ZCCHC2: variants seen among roughly 807,000 people sequenced by gnomAD.
The protein encoded by ZCCHC2 is zinc finger CCHC-type containing 2.
A neutral mutation model predicts 103.6 loss-of-function variants in ZCCHC2; 39 were observed. The ratio of observed to expected loss-of-function variants is 0.38; its 90% CI spans 0.29 to 0.49. The LOEUF is 0.49. ZCCHC2 is among the 20% of genes least tolerant of loss of function. The pLI is 0.96. For synonymous variants in ZCCHC2, 687 were observed against 608.9 expected, an observed-to-expected ratio of 1.13 and a Z score of -1.89; for missense variants, 1,483 against 1,491.0, an observed-to-expected ratio of 0.99 and a Z score of 0.09.
chr18:62,566,245 CAAAT>C (rs1444843893), intron 11 of ZCCHC2, among the ~76,000 whole-genome samples: 5 of 152,218 alleles, frequency 3.3e-5, no homozygotes, highest in South Asian at 2.1e-4. Flanking sequence ...AACTCCATCT[CAAAT>C]AAATAAATAA....
At chr18:62,548,642 G>A (rs1015426618) in intron 4 of ZCCHC2, among the ~76,000 whole-genome samples, 1 of 152,196 alleles carries the variant, frequency 6.6e-6, no homozygotes, top group Non-Finnish European at 1.5e-5. Flanking sequence ...GAAAATGGAG[G>A]CTGGGTGCAG....
intron 1 of ZCCHC2, among the ~76,000 whole-genome samples, chr18:62,536,624 T>C (rs367810453): frequency 7.9e-5 from 12 of 152,286 alleles, no homozygotes; most frequent in South Asian, 2.1e-4. Context: ...CCACCCACCA[T>C]TGGGGCTGCC....
rs755074405 is a variant in ZCCHC2 at position 62,565,003 on chromosome 18, G to A, written c.1753G>A (p.Glu585Lys). ...KKKGKPQTEKEKIKKTDNRLN... is the reference protein window; with the variant it reads ...KKKGKPQTEKKKIKKTDNRLN... ...TGGCAATATGTTCATTTGGTTTAGG[G>A]AGAAAATTAAGAAAACTGACAACAG... Residue 585 changes from glutamate to lysine, a missense_variant and splice_region_variant, in exon 11 of 14, where the codon GAG becomes AAG. Transcript: ENST00000269499. 6.2e-5 allele frequency: 100 copies of A among 1,607,584 alleles called. No individual in the cohort carries two copies. The highest frequency in any genetic ancestry group is 8.4e-5 in the Non-Finnish European group (99 of 1,174,510).
At chr18:62,559,239 G>A (rs1011747789) in intron 7 of ZCCHC2, among the ~76,000 whole-genome samples, 6 of 152,218 alleles carry the variant, frequency 3.9e-5, no homozygotes, top group African/African-American at 1.4e-4. Flanking sequence ...CATAGATTGA[G>A]AGATGGTGTT....
At position 62,556,278 on chromosome 18, in the gene ZCCHC2, A is replaced by G. The variant is rs1398548536; in HGVS notation, c.1389A>G (p.Ser463=). Residue 463 remains serine, a synonymous_variant, in exon 6 of 14, where the codon TCA becomes TCG. Coordinates refer to ENST00000269499, the MANE Select transcript of ZCCHC2 (RefSeq NM_017742.6). Reference sequence around the variant, plus strand: ...ACAGCTTCTTTCAGTCCATATCATCAGACTCCCTACACAGTATCAGTAAGC... The same window carrying G: ...ACAGCTTCTTTCAGTCCATATCATCGGACTCCCTACACAGTATCAGTAAGC... ...KVHSFFQSIS[S]DSLHSINNLQ... 1 of 1,603,892 alleles carries G rather than the reference A, an allele frequency of 6.2e-7. No individual in the cohort carries two copies. The highest frequency in any genetic ancestry group is 1.7e-5 in the Admixed American group (1 of 58,734).
chr18:62,532,531 C>G (rs1467368203), intron 1 of ZCCHC2, among the ~76,000 whole-genome samples: 6 of 152,170 alleles, frequency 3.9e-5, no homozygotes, highest in Admixed American at 3.9e-4. Context: ...TCTAATAGGC[C>G]TTTAGACTCA....
At chr18:62,561,919 G>A (rs1018690084) in intron 8 of ZCCHC2, among the ~76,000 whole-genome samples, 4 of 151,930 alleles carry the variant, frequency 2.6e-5, no homozygotes, top group South Asian at 2.1e-4. Flanking sequence ...TTTCTTCTCC[G>A]CTTTTCTCTT....
intron 8 of ZCCHC2, among the ~76,000 whole-genome samples, chr18:62,562,397 T>G (rs1187394978): frequency 6.6e-6 from 1 of 152,198 alleles, no homozygotes; most frequent in Non-Finnish European, 1.5e-5. Context: ...TTCATTGATT[T>G]TCTTCATCTG....
At position 62,562,933 on chromosome 18, in the gene ZCCHC2, G is replaced by A. The variant is rs559357818; in HGVS notation, c.1551-76G>A. ...CTAATATATTGAAGAAAGGGTTACTGTAACTTCTTTGTTGAAATGAAATAG... is the reference window on the plus strand; with the variant it reads ...CTAATATATTGAAGAAAGGGTTACTATAACTTCTTTGTTGAAATGAAATAG... On this transcript the variant is annotated intron_variant, in intron 8 of 13. Transcript: ENST00000269499. 144 of 1,510,914 alleles carry A rather than the reference G, an allele frequency of 9.5e-5. 2 individuals are homozygous for A. In the South Asian group the frequency reaches 1.5e-3, roughly 16 times the overall value. 93.6% of individuals were successfully genotyped at this position (1,510,914 alleles called of 1,614,324 possible).
At chr18:62,564,851 C>A in intron 10 of ZCCHC2, 151 bp from the exon 11 acceptor site, 1 of 700,254 alleles carries the variant, frequency 1.4e-6, no homozygotes, top group Non-Finnish European at 2.3e-6. Flanking sequence ...ACTCTCAGAA[C>A]TTTCCACGGA....
intron 3 of ZCCHC2, 37 bp downstream of exon 3, chr18:62,542,611 T>C: frequency 6.0e-6 from 9 of 1,509,268 alleles, no homozygotes; most frequent in Non-Finnish European, 8.1e-6. Flanking sequence ...CCTCACGTGC[T>C]GTGCTCAATG....
intron 1 of ZCCHC2, 85 bp downstream of exon 1, chr18:62,524,448 C>T (rs1914253824): frequency 2.8e-6 from 4 of 1,406,574 alleles, no homozygotes; most frequent in Non-Finnish European, 3.7e-6. Context: ...CGCCCCTTGC[C>T]CGAGCCCCAG....
intron 4 of ZCCHC2, among the ~76,000 whole-genome samples, chr18:62,547,390 C>G (rs942649600): frequency 5.3e-5 from 8 of 151,430 alleles, no homozygotes; most frequent in African/African-American, 1.2e-4. Flanking sequence ...AAACGAACAC[C>G]CTTTTTCTTC....
At chr18:62,528,049 G>C (rs1262158843) in intron 1 of ZCCHC2, among the ~76,000 whole-genome samples, 2 of 152,212 alleles carry the variant, frequency 1.3e-5, no homozygotes, top group Non-Finnish European at 2.9e-5. Context: ...GATCATAGTA[G>C]TGGTTATTGA....
intron 1 of ZCCHC2, among the ~76,000 whole-genome samples, chr18:62,537,896 A>G (rs1914997598): frequency 1.3e-5 from 2 of 152,288 alleles, no homozygotes; most frequent in South Asian, 2.1e-4. Flanking sequence ...TCCACCATCA[A>G]TGTGTAAGGG....
chr18:62,549,458 G>A (rs544163995), intron 4 of ZCCHC2, among the ~76,000 whole-genome samples: 6 of 152,230 alleles, frequency 3.9e-5, no homozygotes, highest in East Asian at 1.9e-4. Flanking sequence ...AATTTACTTC[G>A]GACTTCTCAA....
intron 4 of ZCCHC2, among the ~76,000 whole-genome samples, chr18:62,549,218 CAA>C (rs111280144): frequency 8.5e-5 from 10 of 117,240 alleles, no homozygotes; most frequent in Non-Finnish European, 9.2e-5. Flanking sequence ...GACTCCGTCT[CAA>C]AAAAAAAAAA....
In ZCCHC2 at chr18:62,523,533, C is replaced by G; in HGVS notation, c.109C>G (p.Arg37Gly). The G allele has an allele frequency of 1.1e-6, 1 of 951,328 alleles. No homozygotes were observed. The highest frequency in any genetic ancestry group is 1.2e-6 in the Non-Finnish European group (1 of 812,860). 58.9% of individuals were successfully genotyped at this position (951,328 alleles called of 1,614,324 possible). The change falls in exon 1 of 14, where the codon CGC becomes GGC. Residue 37 changes from arginine (R) to glycine (G), a missense_variant. By Grantham distance (125) the Arg-to-Gly change is moderately radical. Around this residue, in one of 3 missense-constraint regions of ZCCHC2, gnomAD observed 568 missense variants for 525.1 expected, o/e 1.08. Transcript: ENST00000269499. ...ARPGAKAPSR[R>G]RRDCRPPPPP... The stretch of plus-strand genomic sequence containing the variant: ...GCCGGGCGCGAAGGCGCCTTCGCGC[C>G]GCCGCCGCGACTGCCGCCCCCCGCC...
chr18:62,539,635 C>T (rs1436029841), intron 1 of ZCCHC2, 46 bp from the exon 2 acceptor site: 3 of 1,488,356 alleles, frequency 2.0e-6, no homozygotes, highest in Non-Finnish European at 2.7e-6. Flanking sequence ...GATTATTACT[C>T]TTAGTCCATG....
Sources: allele counts gnomAD v4.1 joint callset (sites outside exome capture counted in the v4.1 genomes callset), GRCh38; gene constraint gnomAD v4.1.1; regional missense constraint gnomAD v4.1.1; transcripts MANE v1.5; gene names NCBI Gene and HGNC (gene_info 2026-07-23, HGNC 2026-07-21).